Variants in UGT8 observed in about 807,000 individuals in gnomAD.
UGT8 encodes the protein 2-hydroxyacylsphingosine 1-beta-galactosyltransferase.
Under a neutral mutation model 40.5 loss-of-function variants are expected in UGT8, and 12 were observed. The ratio of observed to expected loss-of-function variants is 0.30; its 90% confidence interval spans 0.19 to 0.48. The LOEUF (loss-of-function observed/expected upper bound fraction) is 0.48. Ranked by LOEUF, UGT8 falls within the 20% of genes least tolerant of loss-of-function variation. The probability of loss-of-function intolerance (pLI) is 0.99; values close to 1 mark genes in which losing one functional copy is unlikely to be tolerated. For missense variants in UGT8, 513 were observed against 648.7 expected (o/e 0.79, Z 2.27); for synonymous variants, 224 against 240.4 (o/e 0.93, Z 0.63).
At chr4:114,621,125 A>G (rs1326791214) in intron 1 of UGT8, among the ~76,000 whole-genome samples, 1 of 152,184 alleles carries the variant, frequency 6.6e-6, no homozygotes, top group Non-Finnish European at 1.5e-5. Flanking sequence ...ACAATAAAAG[A>G]CAACTTTATT....
chr4:114,663,737 CT>C, intron 2 of UGT8: 1 of 985,038 alleles, frequency 1.0e-6, no homozygotes, highest in Non-Finnish European at 1.2e-6. Flanking sequence ...GATTTTAAGC[CT>C]TTAGCAACTG....
chr4:114,665,127 T>C (rs1734775114), intron 3 of UGT8, among the ~76,000 whole-genome samples: 1 of 152,216 alleles, frequency 6.6e-6, no homozygotes, highest in Non-Finnish European at 1.5e-5. Flanking sequence ...TTGTTAAGCA[T>C]ATTTCTGTTT....
In UGT8 at chr4:114,650,361, A is replaced by T. The variant is rs901963937; in HGVS notation, c.823-13634A>T. 2.6e-5 allele frequency among the ~76,000 whole-genome samples: 4 copies of T among 152,180 alleles called. No homozygotes were observed. The East Asian group carries it at 7.7e-4, about 29-fold the overall frequency. ...AGGTTGCAATTTTTTGAATTTTTGC[A>T]TGATTGGAAAATCAGAACTTGGTGA... On this transcript the variant is annotated intron_variant, in intron 2 of 5. Transcript: ENST00000310836.
In UGT8 at chr4:114,676,326, C is replaced by G; in HGVS notation, c.*38C>G. 1 of 1,499,576 alleles carries G rather than the reference C, an allele frequency of 6.7e-7. No homozygotes were observed. 92.9% of individuals were successfully genotyped at this position (1,499,576 alleles called of 1,614,324 possible). A position where few individuals can be genotyped will look rare whatever the true frequency, so the allele number is the denominator to read the frequency against. On this transcript the variant is annotated 3_prime_UTR_variant, in exon 6 of 6. Transcript: ENST00000310836. ...GGTGATAGAAATAAATTGGTTCACT[C>G]ATTGAATTTTTATTGCTATTATTTA...
At chr4:114,636,133 C>T (rs1732873299) in intron 2 of UGT8, among the ~76,000 whole-genome samples, 1 of 152,116 alleles carries the variant, frequency 6.6e-6, no homozygotes, top group African/African-American at 2.4e-5. Flanking sequence ...TTAAGCTAGG[C>T]TTATTTTCCA....
chr4:114,674,665 A>AT (rs947737741), intron 5 of UGT8, among the ~76,000 whole-genome samples: 1 of 152,146 alleles, frequency 6.6e-6, no homozygotes, highest in Non-Finnish European at 1.5e-5. Context: ...TTCCAAATGA[A>AT]TTTGTTCTGG....
At chr4:114,634,865 A>G (rs991988471) in intron 2 of UGT8, among the ~76,000 whole-genome samples, 1 of 152,136 alleles carries the variant, frequency 6.6e-6, no homozygotes, top group Admixed American at 6.5e-5. Flanking sequence ...GAAAATTTTG[A>G]GCCTTATACA....
At chr4:114,667,087 C>T (rs1360506469) in intron 4 of UGT8, among the ~76,000 whole-genome samples, 2 of 152,052 alleles carry the variant, frequency 1.3e-5, no homozygotes, top group East Asian at 1.9e-4. Flanking sequence ...ACTTCTAGGG[C>T]AGATCCTTTA....
chr4:114,634,272 T>G (rs1250287346), intron 2 of UGT8, among the ~76,000 whole-genome samples: 1 of 152,170 alleles, frequency 6.6e-6, no homozygotes, highest in African/African-American at 2.4e-5. Flanking sequence ...TTGAGAAACC[T>G]GTGGGTATAT....
chr4:114,657,396 A>C (rs779000847), intron 2 of UGT8, among the ~76,000 whole-genome samples: 1 of 152,156 alleles, frequency 6.6e-6, no homozygotes, highest in Non-Finnish European at 1.5e-5. Context: ...TGCTTATTTC[A>C]TTCTCCTGAA....
chr4:114,666,556 T>A (rs1224697046), intron 4 of UGT8, among the ~76,000 whole-genome samples: 1 of 152,120 alleles, frequency 6.6e-6, no homozygotes, highest in Admixed American at 6.5e-5. Context: ...TTTTTATTTT[T>A]AAATCTTTTA....
At chr4:114,633,895 G>C (rs1299019107) in intron 2 of UGT8, among the ~76,000 whole-genome samples, 1 of 151,920 alleles carries the variant, frequency 6.6e-6, no homozygotes, top group Non-Finnish European at 1.5e-5. Flanking sequence ...AGTGAGCCCA[G>C]ATGGCGCCAC....
At chr4:114,600,168 C>A (rs1343295075) in intron 1 of UGT8, among the ~76,000 whole-genome samples, 1 of 151,950 alleles carries the variant, frequency 6.6e-6, no homozygotes, top group Non-Finnish European at 1.5e-5. Context: ...TCAAACCAGG[C>A]GTGCTCTGGA....
At chr4:114,615,658 G>C (rs1731364724) in intron 1 of UGT8, among the ~76,000 whole-genome samples, 1 of 152,144 alleles carries the variant, frequency 6.6e-6, no homozygotes, top group Non-Finnish European at 1.5e-5. Flanking sequence ...GTATGGTCTA[G>C]GATGTTAATC....
At chr4:114,604,046 C>G (rs1159444527) in intron 1 of UGT8, among the ~76,000 whole-genome samples, 6 of 152,080 alleles carry the variant, frequency 3.9e-5, no homozygotes, top group Admixed American at 6.6e-5. Context: ...AACAAAAGTC[C>G]TTGAAGAGAG....
chr4:114,638,554 T>G (rs1733024487), intron 2 of UGT8, among the ~76,000 whole-genome samples: 1 of 152,214 alleles, frequency 6.6e-6, no homozygotes, highest in South Asian at 2.1e-4. Flanking sequence ...TCATTTCATT[T>G]CTTTCCATAG....
intron 2 of UGT8, among the ~76,000 whole-genome samples, chr4:114,645,515 A>T (rs1179449749): frequency 6.6e-6 from 1 of 152,100 alleles, no homozygotes; most frequent in African/African-American, 2.4e-5. Context: ...CATATTACAC[A>T]TAATATTTTT....
intron 2 of UGT8, among the ~76,000 whole-genome samples, chr4:114,627,278 A>G (rs1394350124): frequency 3.1e-5 from 4 of 127,558 alleles, no homozygotes; most frequent in Non-Finnish European, 3.2e-5. Context: ...TTTTTTTGAG[A>G]TGGAATCTCT....
chr4:114,605,124 C>T (rs1730662706), intron 1 of UGT8, among the ~76,000 whole-genome samples: 1 of 152,140 alleles, frequency 6.6e-6, no homozygotes, highest in African/African-American at 2.4e-5. Flanking sequence ...TACAGAATGC[C>T]ACACTTAGGT....
Sources: gnomAD v4.1 joint callset for allele counts (sites outside exome capture counted in the v4.1 genomes callset) on GRCh38, gnomAD v4.1.1 for gene constraint, MANE v1.5 for transcripts, NCBI Gene and HGNC (gene_info 2026-07-23, HGNC 2026-07-21) for gene names.